TRAPPC12: variants seen among roughly 807,000 people sequenced by gnomAD.
The protein encoded by TRAPPC12 is trafficking protein particle complex subunit 12, also known as TPR repeat protein 15.
A neutral mutation model predicts 69.2 loss-of-function variants in TRAPPC12; 61 were observed. The ratio of observed to expected loss-of-function variants is 0.88; its 90% CI spans 0.72 to 1.09. TRAPPC12 has a LOEUF of 1.09. Ranked by LOEUF, TRAPPC12 falls within the 50% of genes least tolerant of loss-of-function variation. TRAPPC12 has a pLI of 0.00. For missense variants in TRAPPC12, 1,101 were observed against 1,016.4 expected, an observed-to-expected ratio of 1.08 and a Z score of -1.13; for synonymous variants, 469 against 438.9, an observed-to-expected ratio of 1.07 and a Z score of -0.86.
chr2:3,469,265 A>G (rs1387838126), intron 9 of TRAPPC12, among the ~76,000 whole-genome samples: 2 of 152,200 alleles, frequency 1.3e-5, no homozygotes, highest in African/African-American at 2.4e-5. Context: ...CCATTCTGAA[A>G]TGAGTTGGTG....
chr2:3,430,755 G>A (rs1191071745), intron 5 of TRAPPC12, among the ~76,000 whole-genome samples: 1 of 152,230 alleles, frequency 6.6e-6, no homozygotes, highest in Admixed American at 6.5e-5. Flanking sequence ...AATAATAAAT[G>A]CAAAGAAATC....
At chr2:3,409,517 G>A (rs2103486392) in intron 3 of TRAPPC12, among the ~76,000 whole-genome samples, 1 of 152,154 alleles carries the variant, frequency 6.6e-6, no homozygotes, top group Admixed American at 6.5e-5. Context: ...GGGAGGCTGA[G>A]GTAGGAGAAT....
chr2:3,426,503 G>A (rs979932784), intron 5 of TRAPPC12, among the ~76,000 whole-genome samples: 3 of 152,238 alleles, frequency 2.0e-5, no homozygotes, highest in Non-Finnish European at 4.4e-5. Context: ...TTGAGGGTGC[G>A]TGTTCAGGAG....
chr2:3,390,787 C>T (rs1410085205), intron 2 of TRAPPC12, among the ~76,000 whole-genome samples: 1 of 152,118 alleles, frequency 6.6e-6, no homozygotes, highest in Non-Finnish European at 1.5e-5. Context: ...AATAGGTGGA[C>T]CACTCTGGCG....
At chr2:3,456,993 C>T (rs1665189523) in intron 6 of TRAPPC12, 1 of 429,324 alleles carries the variant, frequency 2.3e-6, no homozygotes, top group Non-Finnish European at 4.6e-6. Flanking sequence ...CAGCTGGGAG[C>T]AGAGTCCCTC....
intron 5 of TRAPPC12, among the ~76,000 whole-genome samples, chr2:3,427,663 T>G (rs1481304876): frequency 6.6e-6 from 1 of 152,142 alleles, no homozygotes; most frequent in Non-Finnish European, 1.5e-5. Flanking sequence ...CGTGAAGATC[T>G]CAAGATCTCT....
chr2:3,477,859 A>G, intron 10 of TRAPPC12, 64 bp downstream of exon 10: 2 of 1,181,074 alleles, frequency 1.7e-6, no homozygotes, highest in Non-Finnish European at 2.4e-6. Flanking sequence ...AGCCCCACTT[A>G]CTGAGTTGGA....
At chr2:3,408,865 C>T (rs1019122932) in intron 3 of TRAPPC12, among the ~76,000 whole-genome samples, 2 of 152,226 alleles carry the variant, frequency 1.3e-5, no homozygotes, top group African/African-American at 2.4e-5. Flanking sequence ...GATCGGGCAG[C>T]ACAGTGCGAC....
At chr2:3,474,801 C>A (rs1192527132) in intron 9 of TRAPPC12, among the ~76,000 whole-genome samples, 2 of 152,146 alleles carry the variant, frequency 1.3e-5, no homozygotes, top group Non-Finnish European at 2.9e-5. Flanking sequence ...GAGTATTCAC[C>A]TAAGAATTGC....
chr2:3,452,121 G>C (rs764368736), intron 6 of TRAPPC12, among the ~76,000 whole-genome samples: 4 of 152,180 alleles, frequency 2.6e-5, no homozygotes, highest in Non-Finnish European at 4.4e-5. Flanking sequence ...TGTCTCACCT[G>C]AGGGCTCAGC....
At chr2:3,405,514 G>A (rs1661683347) in intron 3 of TRAPPC12, among the ~76,000 whole-genome samples, 1 of 152,186 alleles carries the variant, frequency 6.6e-6, no homozygotes, top group Non-Finnish European at 1.5e-5. Context: ...TTGTATCCAG[G>A]GGTAGGATTT....
At chr2:3,425,064 C>T (rs1049413210) in intron 5 of TRAPPC12, among the ~76,000 whole-genome samples, 3 of 152,226 alleles carry the variant, frequency 2.0e-5, no homozygotes, top group Admixed American at 1.3e-4. Context: ...TGACATTTTC[C>T]GTTTGTCTCT....
chr2:3,465,811 A>T, intron 9 of TRAPPC12, 116 bp downstream of exon 9: 1 of 764,096 alleles, frequency 1.3e-6, no homozygotes, highest in Non-Finnish European at 2.3e-6. Context: ...AAAATATTCC[A>T]ATTCAAATGT....
intron 9 of TRAPPC12, 159 bp downstream of exon 9, chr2:3,465,854 G>C: frequency 1.6e-6 from 1 of 630,044 alleles, no homozygotes; most frequent in Non-Finnish European, 2.8e-6. Flanking sequence ...TTCTTTCCAG[G>C]AGTTCTGGTT....
At chr2:3,443,621 T>C in intron 5 of TRAPPC12, 158 bp from the exon 6 acceptor site, 1 of 663,610 alleles carries the variant, frequency 1.5e-6, no homozygotes. Flanking sequence ...AAAACCAGCA[T>C]GTATTTTATA....
At chr2:3,413,462 T>TA (rs1465442090) in intron 3 of TRAPPC12, among the ~76,000 whole-genome samples, 2 of 152,212 alleles carry the variant, frequency 1.3e-5, no homozygotes, top group Admixed American at 6.5e-5. Flanking sequence ...GGTGTTCGGT[T>TA]AGTGAACAGT....
At chr2:3,457,800 A>G in intron 7 of TRAPPC12, 107 bp downstream of exon 7, 1 of 1,508,712 alleles carries the variant, frequency 6.6e-7, no homozygotes, top group Admixed American at 2.2e-5. Flanking sequence ...TGTAGTCAGC[A>G]CTGCACGTGT....
At chr2:3,436,603 G>C (rs1297207184) in intron 5 of TRAPPC12, among the ~76,000 whole-genome samples, 2 of 151,920 alleles carry the variant, frequency 1.3e-5, no homozygotes, top group African/African-American at 4.8e-5. Context: ...AAAGTACATA[G>C]TTTACCTTAG....
intron 6 of TRAPPC12, among the ~76,000 whole-genome samples, chr2:3,444,880 G>T (rs1572171101): frequency 6.6e-6 from 1 of 152,112 alleles, no homozygotes; most frequent in Non-Finnish European, 1.5e-5. Context: ...AAGATAAAAA[G>T]AAAAATTGTT....
Sources: gnomAD v4.1 joint callset for allele counts (sites outside exome capture counted in the v4.1 genomes callset) on GRCh38, gnomAD v4.1.1 for gene constraint, MANE v1.5 for transcripts, NCBI Gene and HGNC (gene_info 2026-07-23, HGNC 2026-07-21) for gene names.